MYO5A: variants seen among roughly 807,000 people sequenced by gnomAD.
MYO5A encodes unconventional myosin-Va.
Under a neutral mutation model 249.7 loss-of-function variants are expected in MYO5A, and 98 were observed. That is an observed-to-expected ratio of 0.39 (90% confidence interval 0.33 to 0.46). The LOEUF (loss-of-function observed/expected upper bound fraction) is 0.46, where lower values mean the gene tolerates loss of function less well. Among genes scored for constraint, MYO5A ranks in the 20% least tolerant of loss-of-function variants. The pLI, the probability that MYO5A is intolerant of heterozygous loss-of-function variation, is 0.98. For missense variants in MYO5A, 1,696 were observed against 2,308.8 expected (o/e 0.73, Z 5.44); for synonymous variants, 778 against 810.6 (o/e 0.96, Z 0.68).
Position 52,376,559 on chromosome 15 carries a change from C to T in MYO5A, c.2209-1G>A. ...TACCAAACTGGTATTTGTCCTTGTC[C>T]TATTTTTGGAAGAAATTGTATATTC... On this transcript the variant is annotated splice_acceptor_variant, in intron 18 of 41. Coordinates refer to ENST00000399233, the MANE Select transcript of MYO5A (RefSeq NM_001382347.1). LOFTEE classifies it high-confidence loss of function. 6.2e-7 allele frequency: 1 copy of T among 1,613,328 alleles called. No individual in the cohort carries two copies. The highest frequency in any genetic ancestry group is 1.1e-5 in the South Asian group (1 of 91,064).
At chr15:52,388,668 C>T (rs1477303262) in intron 13 of MYO5A, among the ~76,000 whole-genome samples, 2 of 152,120 alleles carry the variant, frequency 1.3e-5, no homozygotes, top group Non-Finnish European at 2.9e-5. Context: ...CACTATAGAA[C>T]TTGTGAAGCA....
chr15:52,521,561 G>C (rs759923891), intron 1 of MYO5A, among the ~76,000 whole-genome samples: 5 of 152,114 alleles, frequency 3.3e-5, no homozygotes, highest in Non-Finnish European at 7.4e-5. Context: ...GTAGATACAT[G>C]GTCCTCATGA....
At position 52,484,230 on chromosome 15, in the gene MYO5A, A is replaced by G. The variant is rs140291238; in HGVS notation, c.27+44550T>C. Among the ~76,000 whole-genome samples, 985 of 152,364 alleles carry G rather than the reference A, an allele frequency of 6.5e-3. 16 individuals are homozygous for G. The highest frequency in any genetic ancestry group is 0.023 in the African/African-American group (948 of 41,580). On this transcript the variant is annotated intron_variant, in intron 1 of 41. Transcript: ENST00000399233. ...TGAACGTATTACAGGTATGCATTAC[A>G]TTTTCCTGAAAATATATGTGAATTA...
In MYO5A at chr15:52,428,464, C is replaced by G. The variant is rs1306485767; in HGVS notation, c.244G>C (p.Glu82Gln). The G allele has an allele frequency of 1.9e-6, 3 of 1,614,108 alleles. No individual in the cohort carries two copies. ...NDLTALSYLH[E>Q]PAVLHNLRVR... ...CTGAGATTATGGAGCACAGCAGGCT[C>G]ATGAAGATAGCTGAGGGCTGTGAGG... Residue 82 changes from glutamate to glutamine, a missense_variant, in exon 3 of 42, where the codon GAG (glutamate) becomes CAG (glutamine). Glu to Gln is a conservative substitution (Grantham distance 29). Around this residue, in one of 5 missense-constraint regions of MYO5A, gnomAD observed 197 missense variants for 320.3 expected, o/e 0.62. Coordinates refer to ENST00000399233, the MANE Select transcript of MYO5A (RefSeq NM_001382347.1).
rs556933182 is a variant in MYO5A, at chr15:52,384,205, G to A, written c.1870C>T (p.Pro624Ser). 2.6e-5 allele frequency: 42 copies of A among 1,614,196 alleles called. No homozygotes were observed. The East Asian group carries it at 5.6e-4, about 21-fold the overall frequency. The change falls in exon 15 of 42, where the codon CCA becomes TCA. Residue 624 changes from proline to serine, a missense_variant. Physicochemically the swap from Pro to Ser is moderately conservative, Grantham distance 74. Transcript: ENST00000399233. The stretch of plus-strand genomic sequence containing the variant: ...TTGTGCTCTTTGGCCATTTGGCCTG[G>A]TCTGCCTTTGGTGGGCTTTGCAGGA... ...RTPAKPTKGR[P>S]GQMAKEHKKT...
intron 11 of MYO5A, among the ~76,000 whole-genome samples, chr15:52,395,457 G>T (rs1485892201): frequency 2.0e-5 from 3 of 152,034 alleles, no homozygotes; most frequent in Non-Finnish European, 4.4e-5. Context: ...TCCTGCCCTT[G>T]AGCTCTATCT....
At position 52,408,096 on chromosome 15, in the gene MYO5A, G is replaced by A. The variant is rs770727295; in HGVS notation, c.801C>T (p.Ala267=). Reference sequence around the variant, plus strand: ...TTTTAAATTCAGGTAACTTTGCTGAGGCACAAAGCTGATAGAAGATATGAT... The same window carrying A: ...TTTTAAATTCAGGTAACTTTGCTGAAGCACAAAGCTGATAGAAGATATGAT... ...RNYHIFYQLC[A]SAKLPEFKML... The change falls in exon 7 of 42, where the codon GCC becomes GCT. Residue 267 remains alanine, a synonymous_variant. Coordinates refer to ENST00000399233, the MANE Select transcript of MYO5A (RefSeq NM_001382347.1). The A allele has an allele frequency of 9.9e-6, 16 of 1,608,058 alleles. No individual in the cohort carries two copies. The highest frequency in any genetic ancestry group is 8.3e-5 in the Admixed American group (5 of 59,964).
At chr15:52,325,372 T>C (rs957926731) in intron 36 of MYO5A, among the ~76,000 whole-genome samples, 1 of 152,056 alleles carries the variant, frequency 6.6e-6, no homozygotes, top group Non-Finnish European at 1.5e-5. Context: ...AGCATCTGTT[T>C]TCATTAGTGG....
intron 1 of MYO5A, among the ~76,000 whole-genome samples, chr15:52,459,146 AATTT>A (rs2076181197): frequency 2.0e-5 from 1 of 49,058 alleles, no homozygotes. Flanking sequence ...ATTTTCCAGA[AATTT>A]TTTTTTTTTT....
chr15:52,429,279 C>A (rs1171069543), intron 2 of MYO5A, among the ~76,000 whole-genome samples: 2 of 152,156 alleles, frequency 1.3e-5, no homozygotes, highest in Non-Finnish European at 2.9e-5. Context: ...TTAGGCCGGA[C>A]ACAGTGGCTC....
chr15:52,451,204 T>C (rs1343288762), intron 1 of MYO5A, among the ~76,000 whole-genome samples: 1 of 152,136 alleles, frequency 6.6e-6, no homozygotes, highest in South Asian at 2.1e-4. Context: ...ACGCAGATAG[T>C]TGCTCCTGGG....
At chr15:52,439,245 G>A (rs112333188) in intron 1 of MYO5A, among the ~76,000 whole-genome samples, 139 of 152,316 alleles carry the variant, frequency 9.1e-4, no homozygotes, top group African/African-American at 3.2e-3. Flanking sequence ...TGGGAGCTCT[G>A]GGAGCAAGGA....
intron 1 of MYO5A, among the ~76,000 whole-genome samples, chr15:52,437,184 T>C (rs139501933): frequency 1.1e-3 from 161 of 152,340 alleles, no homozygotes; most frequent in African/African-American, 3.8e-3. Flanking sequence ...ACTCATGTAA[T>C]AAATATTTCT....
intron 1 of MYO5A, among the ~76,000 whole-genome samples, chr15:52,510,511 C>T (rs537178184): frequency 2.0e-5 from 3 of 152,296 alleles, no homozygotes; most frequent in South Asian, 2.1e-4. Flanking sequence ...TGTTAGGAAC[C>T]GGGCCTCACA....
intron 27 of MYO5A, among the ~76,000 whole-genome samples, chr15:52,352,309 G>C (rs1719361625): frequency 6.6e-6 from 1 of 152,212 alleles, no homozygotes; most frequent in African/African-American, 2.4e-5. Context: ...CAAGATACTG[G>C]TTGGGAAACA....
Position 52,328,011 on chromosome 15 carries a change from A to G in MYO5A, c.4556-5T>C, listed in dbSNP as rs2038689101. ...CTACACCACGTGGCTTCAGTTCTAA[A>G]AAAGAAAAAATAATAATTTTATATA... is the stretch of plus-strand genomic sequence containing the variant. On this transcript the variant is annotated splice_region_variant and splice_polypyrimidine_tract_variant and intron_variant, in intron 35 of 41. Transcript: ENST00000399233. The G allele has an allele frequency of 6.2e-7, 1 of 1,609,172 alleles. No homozygotes were observed. The highest frequency in any genetic ancestry group is 1.3e-5 in the African/African-American group (1 of 74,802).
chr15:52,369,363 T>C (rs953954766), intron 22 of MYO5A, among the ~76,000 whole-genome samples: 2 of 152,244 alleles, frequency 1.3e-5, no homozygotes, highest in Non-Finnish European at 1.5e-5. Context: ...TGAAAATCGA[T>C]TACTTTTTTC....
chr15:52,410,269 A>G (rs2043191585), intron 6 of MYO5A, 64 bp downstream of exon 6: 2 of 1,519,796 alleles, frequency 1.3e-6, no homozygotes, highest in African/African-American at 1.4e-5. Context: ...CATACCAGCA[A>G]GCATGGACTC....
At position 52,469,444 on chromosome 15, in the gene MYO5A, A is replaced by G. The variant is rs1051121404; in HGVS notation, c.28-36159T>C. Among the ~76,000 whole-genome samples, 3 of 152,224 alleles carry G rather than the reference A, an allele frequency of 2.0e-5. No individual in the cohort carries two copies. In the East Asian group the frequency reaches 5.8e-4, roughly 29 times the overall value. The stretch of plus-strand genomic sequence containing the variant: ...AGTAAGTGGAAGTGGAGAATCATAA[A>G]GGTGTTCACCTTGTCATCTTCATAC... On this transcript the variant is annotated intron_variant, in intron 1 of 41. Coordinates refer to ENST00000399233, the MANE Select transcript of MYO5A (RefSeq NM_001382347.1).
Sources: allele counts gnomAD v4.1 joint callset (sites outside exome capture counted in the v4.1 genomes callset), GRCh38; gene constraint gnomAD v4.1.1; regional missense constraint gnomAD v4.1.1; transcripts MANE v1.5; gene names NCBI Gene and HGNC (gene_info 2026-07-23, HGNC 2026-07-21).